EIF4E1B: variants seen among roughly 807,000 people sequenced by gnomAD.
EIF4E1B encodes the protein eukaryotic translation initiation factor 4E family member 1B.
A neutral mutation model predicts 31.3 loss-of-function variants in EIF4E1B; 22 were observed. The observed-to-expected ratio is 0.70, with a 90% CI of 0.50 to 1.00. The LOEUF (loss-of-function observed/expected upper bound fraction) is 1.00, where lower values mean the gene tolerates loss of function less well. Among genes scored for constraint, EIF4E1B ranks in the 50% least tolerant of loss-of-function variants. The pLI, the probability that EIF4E1B is intolerant of heterozygous loss-of-function variation, is 0.00. For synonymous variants in EIF4E1B, 126 were observed against 120.2 expected (o/e 1.05, Z -0.31); for missense variants, 290 against 311.6 (o/e 0.93, Z 0.52).
chr5:176,640,052 G>A lies in EIF4E1B; in HGVS notation c.-201-1991G>A, dbSNP rs531164060. ...GCAGTATGTCCCCTCCCTTGAATCT[G>A]GGCCTGTGACTCTAGTAGAATAGAG... On this transcript the variant is annotated intron_variant, in intron 1 of 8. Transcript: ENST00000318682. Among the ~76,000 whole-genome samples, 4 of 152,278 alleles carry A rather than the reference G, an allele frequency of 2.6e-5. No homozygotes were observed. In the East Asian group the frequency reaches 7.7e-4, roughly 29 times the overall value.
At chr5:176,634,352 G>A (rs1047547089) in intron 1 of EIF4E1B, among the ~76,000 whole-genome samples, 1 of 152,138 alleles carries the variant, frequency 6.6e-6, no homozygotes, top group African/African-American at 2.4e-5. Flanking sequence ...GAAAAGGGTA[G>A]GCAGGAAGGA....
At chr5:176,641,218 A>G (rs528318390) in intron 1 of EIF4E1B, among the ~76,000 whole-genome samples, 1 of 152,100 alleles carries the variant, frequency 6.6e-6, no homozygotes, top group African/African-American at 2.4e-5. Context: ...AGTCCCAGCT[A>G]CTCGGGAGGC....
chr5:176,643,650 G>A lies in EIF4E1B; in HGVS notation c.212G>A (p.Trp71Ter), dbSNP rs1297442648. 6.2e-7 allele frequency: 1 copy of A among 1,608,922 alleles called. No individual in the cohort carries two copies. Among genetic ancestry groups the A allele is most frequent in the South Asian group, 1.1e-5 (1 of 89,910 alleles). ...LHPLQNRWAL[W>*]FFKNDRSRAW... is the part of the protein sequence containing the mutation. The stretch of plus-strand genomic sequence containing the variant: ...CCTTCCCCTACCAGGTGGGCTCTGT[G>A]GTTCTTCAAGAATGACCGCAGCCGG... The change falls in exon 5 of 9, where the codon TGG becomes TAG. Residue 71 changes from tryptophan (W) to a stop codon, truncating the protein, a stop_gained. Coordinates refer to ENST00000318682, the MANE Select transcript of EIF4E1B (RefSeq NM_001099408.2). LOFTEE classifies it high-confidence loss of function.
At chr5:176,637,686 A>C (rs1363247233) in intron 1 of EIF4E1B, among the ~76,000 whole-genome samples, 1 of 152,126 alleles carries the variant, frequency 6.6e-6, no homozygotes, top group African/African-American at 2.4e-5. Context: ...TGGCTGGCAC[A>C]TCTGAAGATC....
intron 2 of EIF4E1B, 133 bp from the exon 3 acceptor site, chr5:176,642,577 C>G (rs1369962540): frequency 1.5e-6 from 1 of 686,060 alleles, no homozygotes; most frequent in Non-Finnish European, 2.4e-6. Context: ...GCCAGAAGGC[C>G]CCACGGCCAT....
At chr5:176,642,838 TG>T in intron 3 of EIF4E1B, 36 bp downstream of exon 3, 1 of 1,440,610 alleles carries the variant, frequency 6.9e-7, no homozygotes, top group Non-Finnish European at 9.1e-7. Flanking sequence ...CAGTGCACCA[TG>T]GCCCCGCCCT....
chr5:176,644,219 G>A (rs1760650586), intron 5 of EIF4E1B, 157 bp from the exon 6 acceptor site: 1 of 751,118 alleles, frequency 1.3e-6, no homozygotes, highest in Non-Finnish European at 2.1e-6. Flanking sequence ...GGTCTTGAGA[G>A]TTTGGATAAA....
chr5:176,644,807 G>A (rs1760661033), intron 6 of EIF4E1B, among the ~76,000 whole-genome samples: 1 of 152,242 alleles, frequency 6.6e-6, no homozygotes, highest in Non-Finnish European at 1.5e-5. Flanking sequence ...TGGGAACCAT[G>A]CAGCCAAGCC....
intron 1 of EIF4E1B, among the ~76,000 whole-genome samples, chr5:176,635,371 G>C (rs1205809898): frequency 6.6e-6 from 1 of 151,982 alleles, no homozygotes; most frequent in Non-Finnish European, 1.5e-5. Flanking sequence ...AAGAGGGAAG[G>C]GGCAGCAGGG....
chr5:176,631,544 G>A (rs1485689797), intron 1 of EIF4E1B, among the ~76,000 whole-genome samples: 1 of 151,656 alleles, frequency 6.6e-6, no homozygotes, highest in South Asian at 2.1e-4. Context: ...GGGAGAAAGA[G>A]AATTTTAGGC....
intron 3 of EIF4E1B, 29 bp downstream of exon 3, chr5:176,642,831 T>C (rs953864118): frequency 1.3e-6 from 2 of 1,491,380 alleles, no homozygotes; most frequent in African/African-American, 3.4e-5. Flanking sequence ...CTACCCCCAG[T>C]GCACCATGGC....
rs953954890 is a variant in EIF4E1B at position 176,634,810 on chromosome 5, C to T, written c.-202+3746C>T. Among the ~76,000 whole-genome samples the T allele has an allele frequency of 1.4e-3, 207 of 151,994 alleles. 2 individuals are homozygous for T. Among genetic ancestry groups the T allele is most frequent in the Non-Finnish European group, 1.0e-4 (7 of 67,988 alleles). On this transcript the variant is annotated intron_variant, in intron 1 of 8. Transcript: ENST00000318682. ...TCAGCCTCCTGAGTAGCTGGGATTA[C>T]AGGCACCCGCCACCACACCTGGCTA...
chr5:176,645,477 C>G lies in EIF4E1B; in HGVS notation c.575C>G (p.Thr192Arg), dbSNP rs1454100556. The change falls in exon 8 of 9, where the codon ACG becomes AGG. Residue 192 changes from threonine (T) to arginine (R), a missense_variant. Transcript: ENST00000318682. The surrounding 1 kb of genome is among the most constrained non-coding windows in gnomAD (Gnocchi z 5.4). ...AAGGGGGACAAGATCGCTGTGTGGA[C>G]GAGGGAGGCGGAAAACCAGGCGGGC... ...RTKGDKIAVW[T>R]REAENQAGVL... The G allele has an allele frequency of 6.6e-7, 1 of 1,514,802 alleles. No homozygotes were observed. The highest frequency in any genetic ancestry group is 8.8e-7 in the Non-Finnish European group (1 of 1,133,684). The allele number at this position is 1,514,802 out of a possible 1,614,324, so 93.8% of individuals were successfully genotyped here. A position where few individuals can be genotyped will look rare whatever the true frequency, so the allele number is the denominator to read the frequency against.
chr5:176,640,837 T>C (rs890093655), intron 1 of EIF4E1B, among the ~76,000 whole-genome samples: 5 of 152,248 alleles, frequency 3.3e-5, no homozygotes, highest in African/African-American at 1.2e-4. Flanking sequence ...CACATTCCCT[T>C]TGCCCCAGGG....
At position 176,637,817 on chromosome 5, in the gene EIF4E1B, C is replaced by T. The variant is rs945614303; in HGVS notation, c.-201-4226C>T. ...GGGAGTGATCCAGATTTCATTTTAA[C>T]GGCTGCTGTGTAGGGAGTAGGGAGG... On this transcript the variant is annotated intron_variant, in intron 1 of 8. Transcript: ENST00000318682. 7.2e-5 allele frequency among the ~76,000 whole-genome samples: 11 copies of T among 152,212 alleles called. No homozygotes were observed. The South Asian group carries it at 1.0e-3, about 14-fold the overall frequency.
chr5:176,641,298 C>T (rs1024916323), intron 1 of EIF4E1B, among the ~76,000 whole-genome samples: 11 of 152,074 alleles, frequency 7.2e-5, no homozygotes, highest in Admixed American at 2.0e-4. Context: ...ACTGCACTCC[C>T]GCCTGGGCAG....
intron 1 of EIF4E1B, among the ~76,000 whole-genome samples, chr5:176,632,462 G>A (rs1412276648): frequency 1.3e-5 from 2 of 152,170 alleles, no homozygotes; most frequent in Admixed American, 1.3e-4. Context: ...CACCATGTTG[G>A]CCAGGCTGGT....
At chr5:176,636,221 G>A (rs1323357092) in intron 1 of EIF4E1B, among the ~76,000 whole-genome samples, 2 of 152,214 alleles carry the variant, frequency 1.3e-5, no homozygotes, top group Non-Finnish European at 2.9e-5. Flanking sequence ...TAGCAGGATG[G>A]ATCCTTTCCC....
Position 176,645,290 on chromosome 5 carries a change from G to T in EIF4E1B, c.474+47G>T. 6.3e-7 allele frequency: 1 copy of T among 1,590,304 alleles called. No homozygotes were observed. On this transcript the variant is annotated intron_variant, in intron 7 of 8. Coordinates refer to ENST00000318682, the MANE Select transcript of EIF4E1B (RefSeq NM_001099408.2). The surrounding 1 kb of genome is among the most constrained non-coding windows in gnomAD (Gnocchi z 5.4). Reference sequence around the variant, plus strand: ...CTCAGGGGAAGAGACGGGCTGTGTGGGTCTCATGGTGGCAGTGGTCTCAAG... The same window carrying T: ...CTCAGGGGAAGAGACGGGCTGTGTGTGTCTCATGGTGGCAGTGGTCTCAAG...
Sources: gnomAD v4.1 joint callset for allele counts (sites outside exome capture counted in the v4.1 genomes callset) on GRCh38, gnomAD v4.1.1 for gene constraint, Gnocchi (gnomAD v3.1) non-coding constraint, MANE v1.5 for transcripts, NCBI Gene and HGNC (gene_info 2026-07-23, HGNC 2026-07-21) for gene names.